Variants in NCL observed in about 807,000 individuals in gnomAD.
NCL encodes the protein nucleolin multifunctional protein.
Under a neutral mutation model 77.7 loss-of-function variants are expected in NCL, and 4 were observed. That is an observed-to-expected ratio of 0.05 (90% CI 0.03 to 0.12). NCL has a LOEUF of 0.12. NCL is among the 10% of genes least tolerant of loss of function. The probability of loss-of-function intolerance (pLI) is 1.00; values close to 1 mark genes in which losing one functional copy is unlikely to be tolerated. For synonymous variants in NCL, 344 were observed against 297.8 expected (o/e 1.16, Z -1.60); for missense variants, 763 against 860.9 (o/e 0.89, Z 1.42).
At position 231,458,344 on chromosome 2, in the gene NCL, A is replaced by G. The variant is rs1464105488; in HGVS notation, c.1211T>C (p.Val404Ala). The change falls in exon 8 of 14, where the codon GTC becomes GCC. Residue 404 changes from valine to alanine, a missense_variant. Val to Ala is a moderately conservative substitution (Grantham distance 64, BLOSUM62 0). This residue lies in a region of NCL where 590 missense variants were observed against 570.5 expected (regional missense o/e 1.03). Coordinates refer to ENST00000322723, the MANE Select transcript of NCL (RefSeq NM_005381.3). Reference sequence around the variant, plus strand: ...CACTTCTTTCAATTCATCCTGAGTGACTTTGTAAGGGAGATTTTTAGCCAA... The same window carrying G: ...CACTTCTTTCAATTCATCCTGAGTGGCTTTGTAAGGGAGATTTTTAGCCAA... ...TLLAKNLPYK[V>A]TQDELKEVFE... 1.9e-6 allele frequency: 3 copies of G among 1,614,064 alleles called. No individual in the cohort carries two copies. The highest frequency in any genetic ancestry group is 2.5e-6 in the Non-Finnish European group (3 of 1,179,970).
At position 231,460,578 on chromosome 2, in the gene NCL, CA is replaced by C; in HGVS notation, c.812-15del. The stretch of plus-strand genomic sequence containing the variant: ...CTTTGACAGGCTCTGGACAAGATGT[CA>C]AACAATGTATCACACATCAGTAGCC... On this transcript the variant is annotated splice_polypyrimidine_tract_variant and intron_variant, in intron 4 of 13. Transcript: ENST00000322723. 1 of 1,614,148 alleles carries C rather than the reference CA, an allele frequency of 6.2e-7. No individual in the cohort carries two copies. The highest frequency in any genetic ancestry group is 1.1e-5 in the South Asian group (1 of 91,080).
Position 231,460,155 on chromosome 2 carries a change from G to A in NCL, c.1037C>T (p.Thr346Ile). 6.2e-7 allele frequency: 1 copy of A among 1,612,500 alleles called. No individual in the cohort carries two copies. The highest frequency in any genetic ancestry group is 8.5e-7 in the Non-Finnish European group (1 of 1,179,754). Residue 346 changes from threonine to isoleucine, a missense_variant, in exon 6 of 14, where the codon ACT becomes ATT. By Grantham distance (89) the Thr-to-Ile change is moderately conservative. Transcript: ENST00000322723. ...TAACGTGCAGTGAAGCACTTACCTA[G>A]TCATACCAATTCTGACATCCACAAC... The part of the protein sequence containing the change: ...LAVVDVRIGM[T>I]RKFGYVDFES...
chr2:231,458,345 C>T lies in NCL; in HGVS notation c.1210G>A (p.Val404Ile). 1.2e-6 allele frequency: 2 copies of T among 1,614,042 alleles called. No homozygotes were observed. The highest frequency in any genetic ancestry group is 1.3e-5 in the African/African-American group (1 of 75,016). ...ACTTCTTTCAATTCATCCTGAGTGA[C>T]TTTGTAAGGGAGATTTTTAGCCAAA... ...TLLAKNLPYK[V>I]TQDELKEVFE... Residue 404 changes from valine to isoleucine, a missense_variant, in exon 8 of 14, where the codon GTC becomes ATC. Around this residue, in one of 2 missense-constraint regions of NCL, gnomAD observed 590 missense variants for 570.5 expected, o/e 1.03. Coordinates refer to ENST00000322723, the MANE Select transcript of NCL (RefSeq NM_005381.3).
chr2:231,463,636 C>T (rs140882891), intron 1 of NCL: 19 of 306,482 alleles, frequency 6.2e-5, no homozygotes, highest in African/African-American at 2.7e-4. Flanking sequence ...GTACTTTATT[C>T]TACCACCCTC....
chr2:231,461,403 C>T, intron 3 of NCL, 137 bp downstream of exon 3: 1 of 1,382,146 alleles, frequency 7.2e-7, no homozygotes, highest in Non-Finnish European at 9.8e-7. Context: ...TTAAGTCTAG[C>T]ACACCACAAC....
chr2:231,457,871 CA>C, intron 8 of NCL, 71 bp from the exon 9 acceptor site: 1 of 1,374,294 alleles, frequency 7.3e-7, no homozygotes, highest in East Asian at 2.4e-5. Context: ...CTCAGCAACA[CA>C]GAACTTGCTT....
At chr2:231,455,815 C>T (rs915275552) in intron 12 of NCL, 191 bp from the exon 13 acceptor site, 5 of 1,158,390 alleles carry the variant, frequency 4.3e-6, no homozygotes, top group African/African-American at 1.5e-5. Context: ...TCTCACAATA[C>T]AGCTAAATAT....
Position 231,461,896 on chromosome 2 carries a change from C to T in NCL, c.257G>A (p.Gly86Asp). Residue 86 changes from glycine to aspartate, a missense_variant, in exon 3 of 14, where the codon GGC (glycine) becomes GAC (aspartate). Gly to Asp is a moderately conservative substitution (Grantham distance 94). Around this residue, in one of 2 missense-constraint regions of NCL, gnomAD observed 590 missense variants for 570.5 expected, o/e 1.03. Coordinates refer to ENST00000322723, the MANE Select transcript of NCL (RefSeq NM_005381.3). ...GGCAGGTGTTGCTGCTGCCTTTTTG[C>T]CTGGAGTGACAGCTGCTTTCTTGGC... ...TPAKKAAVTP[G>D]KKAAATPAKK... The T allele has an allele frequency of 6.2e-7, 1 of 1,614,182 alleles. No individual in the cohort carries two copies. The highest frequency in any genetic ancestry group is 2.2e-5 in the East Asian group (1 of 44,886).
At chr2:231,462,641 C>A in intron 2 of NCL, 1 of 475,494 alleles carries the variant, frequency 2.1e-6, no homozygotes, top group Middle Eastern at 3.3e-4. Flanking sequence ...CAGTTCTCAA[C>A]GAGAAACCTG....
chr2:231,456,261 T>C, intron 11 of NCL, 125 bp from the exon 12 acceptor site: 1 of 1,199,074 alleles, frequency 8.3e-7, no homozygotes, highest in Non-Finnish European at 1.2e-6. Flanking sequence ...TAAAAGCAAC[T>C]AAGCCAACTA....
chr2:231,457,192 A>T, intron 9 of NCL, 68 bp from the exon 10 acceptor site: 1 of 1,596,206 alleles, frequency 6.3e-7, no homozygotes, highest in Non-Finnish European at 8.6e-7. Flanking sequence ...CACAACAGTA[A>T]TATCTTATTC....
At position 231,460,155 on chromosome 2, in the gene NCL, G is replaced by C; in HGVS notation, c.1037C>G (p.Thr346Ser). The change falls in exon 6 of 14, where the codon ACT becomes AGT. Residue 346 changes from threonine to serine, a missense_variant. By Grantham distance (58) the Thr-to-Ser change is moderately conservative. Around this residue, in one of 2 missense-constraint regions of NCL, gnomAD observed 590 missense variants for 570.5 expected, o/e 1.03. Transcript: ENST00000322723. ...LAVVDVRIGM[T>S]RKFGYVDFES... The stretch of plus-strand genomic sequence containing the variant: ...TAACGTGCAGTGAAGCACTTACCTA[G>C]TCATACCAATTCTGACATCCACAAC... The C allele has an allele frequency of 1.2e-6, 2 of 1,612,500 alleles. No individual in the cohort carries two copies. The highest frequency in any genetic ancestry group is 1.7e-6 in the Non-Finnish European group (2 of 1,179,754).
chr2:231,460,658 A>C lies in NCL; in HGVS notation c.811+11T>G, dbSNP rs775325797. 30 of 1,613,914 alleles carry C rather than the reference A, an allele frequency of 1.9e-5. No homozygotes were observed. The highest frequency in any genetic ancestry group is 2.5e-5 in the Non-Finnish European group (29 of 1,180,000). The stretch of plus-strand genomic sequence containing the variant: ...TAACTCATGTCGTATGTCAGAATCT[A>C]ATTTAAGTACCTTCCTCCTCCTCTT... On this transcript the variant is annotated intron_variant, in intron 4 of 13. Transcript: ENST00000322723.
At chr2:231,464,145 G>A (rs1048145423) in intron 1 of NCL, 191 bp downstream of exon 1, 2 of 1,402,516 alleles carry the variant, frequency 1.4e-6, no homozygotes, top group Non-Finnish European at 1.9e-6. Flanking sequence ...CCCAGCACCT[G>A]CAGAAGCTCT....
chr2:231,458,993 T>G lies in NCL; in HGVS notation c.1165+8A>C. On this transcript the variant is annotated splice_region_variant and intron_variant, in intron 7 of 13. Coordinates refer to ENST00000322723, the MANE Select transcript of NCL (RefSeq NM_005381.3). ...GTTCATTGCATAATCTCATAAAGCC[T>G]TACATACCTTTCTTACTGTCTTTTC... 1 of 1,580,356 alleles carries G rather than the reference T, an allele frequency of 6.3e-7. No individual in the cohort carries two copies. The highest frequency in any genetic ancestry group is 8.6e-7 in the Non-Finnish European group (1 of 1,167,146).
chr2:231,457,866 C>T, intron 8 of NCL, 66 bp from the exon 9 acceptor site: 1 of 1,391,048 alleles, frequency 7.2e-7, no homozygotes, highest in Non-Finnish European at 9.6e-7. Flanking sequence ...TTTACCTCAG[C>T]AACACAGAAC....
rs1476682084 is a variant in NCL, at chr2:231,460,818, G to C, written c.662C>G (p.Ala221Gly). Residue 221 changes from alanine to glycine, a missense_variant, in exon 4 of 14, where the codon GCT becomes GGT. By Grantham distance (60) the Ala-to-Gly change is moderately conservative. Around this residue, in one of 2 missense-constraint regions of NCL, gnomAD observed 590 missense variants for 570.5 expected, o/e 1.03. Transcript: ENST00000322723. ...METTPAKGKK[A>G]AKVVPVKAKN... ...GGCTTTCACAGGAACAACTTTTGCAGCTTTCTTTCCTTTGGCTGGTGTAGT... is the reference window on the plus strand; with the variant it reads ...GGCTTTCACAGGAACAACTTTTGCACCTTTCTTTCCTTTGGCTGGTGTAGT... The C allele has an allele frequency of 6.2e-7, 1 of 1,614,080 alleles. No homozygotes were observed. Among genetic ancestry groups the C allele is most frequent in the Non-Finnish European group, 8.5e-7 (1 of 1,180,014 alleles).
At position 231,455,043 on chromosome 2, in the gene NCL, A is replaced by C; in HGVS notation, c.*148T>G. On this transcript the variant is annotated 3_prime_UTR_variant, in exon 14 of 14. Transcript: ENST00000322723. ...CAAAACCAACACGGTATTGCCCTTG[A>C]AATGTTAACTAGACGGATTTCCAAG... 2.4e-6 allele frequency: 2 copies of C among 838,792 alleles called. No homozygotes were observed. Among genetic ancestry groups the C allele is most frequent in the Non-Finnish European group, 3.8e-6 (2 of 525,532 alleles). 52.0% of individuals were successfully genotyped at this position (838,792 alleles called of 1,614,324 possible). A position where few individuals can be genotyped will look rare whatever the true frequency, so the allele number is the denominator to read the frequency against.
intron 7 of NCL, 87 bp downstream of exon 7, chr2:231,458,914 G>A (rs1245147676): frequency 5.2e-6 from 7 of 1,333,476 alleles, no homozygotes; most frequent in Non-Finnish European, 6.9e-6. Context: ...AAAAATAAGA[G>A]GAAACCAAGG....
Sources: allele counts gnomAD v4.1 joint callset, GRCh38; gene constraint gnomAD v4.1.1; regional missense constraint gnomAD v4.1.1; transcripts MANE v1.5; gene names NCBI Gene and HGNC (gene_info 2026-07-23, HGNC 2026-07-21).